ADAMTS17: variants seen among roughly 807,000 people sequenced by gnomAD.
The protein encoded by ADAMTS17 is A disintegrin and metalloproteinase with thrombospondin motifs 17.
In ADAMTS17, 113 loss-of-function variants were observed where a neutral mutation model predicts 141.5. The ratio of observed to expected loss-of-function variants is 0.80; its 90% CI spans 0.69 to 0.93. The LOEUF (loss-of-function observed/expected upper bound fraction) is 0.93. Among genes scored for constraint, ADAMTS17 ranks in the 40% least tolerant of loss-of-function variants. The pLI, the probability that ADAMTS17 is intolerant of heterozygous loss-of-function variation, is 0.00. For synonymous variants in ADAMTS17, 768 were observed against 630.6 expected (o/e 1.22, Z -3.27); for missense variants, 1,659 against 1,517.9 (o/e 1.09, Z -1.54).
intron 7 of ADAMTS17, among the ~76,000 whole-genome samples, chr15:100,206,842 G>A (rs2041588548): frequency 6.6e-6 from 1 of 152,172 alleles, no homozygotes; most frequent in Non-Finnish European, 1.5e-5. Context: ...AGCTGTCTGA[G>A]GTGTGTGCCT....
chr15:100,103,464 G>T (rs1332341537), intron 14 of ADAMTS17, among the ~76,000 whole-genome samples: 1 of 152,204 alleles, frequency 6.6e-6, no homozygotes, highest in Non-Finnish European at 1.5e-5. Flanking sequence ...CTTTGGACAG[G>T]AAATAGGAGG....
chr15:100,131,894 A>G (rs770767230), intron 12 of ADAMTS17, 113 bp downstream of exon 12: 81 of 1,530,022 alleles, frequency 5.3e-5, no homozygotes, highest in Non-Finnish European at 6.9e-5. Context: ...TTCATTTTCC[A>G]TATCTTCTAA....
At chr15:100,019,170 A>T (rs2061351276) in intron 18 of ADAMTS17, among the ~76,000 whole-genome samples, 1 of 152,244 alleles carries the variant, frequency 6.6e-6, no homozygotes, top group Non-Finnish European at 1.5e-5. Context: ...GGCAAGACAG[A>T]TGTACATACC....
At chr15:100,169,720 AACTGCATGCTCG>A (rs2040087582) in intron 8 of ADAMTS17, among the ~76,000 whole-genome samples, 1 of 152,216 alleles carries the variant, frequency 6.6e-6, no homozygotes, top group South Asian at 2.1e-4. Flanking sequence ...AGGTACTGTG[AACTGCATGCTCG>A]AAACCAGCAG....
Position 100,141,828 on chromosome 15 carries a change from C to T in ADAMTS17, c.1474-8513G>A, listed in dbSNP as rs187432017. Among the ~76,000 whole-genome samples, 37 of 152,360 alleles carry T rather than the reference C, an allele frequency of 2.4e-4. 1 individual carries two copies. In the East Asian group the frequency reaches 6.0e-3, roughly 25 times the overall value. On this transcript the variant is annotated intron_variant, in intron 10 of 21. Transcript: ENST00000268070. ...AGGACCATCTGCTGCCAAAGTCCAA[C>T]GGCTCTGAGAGGCTGCAGATGCTGG...
intron 3 of ADAMTS17, among the ~76,000 whole-genome samples, chr15:100,325,338 T>TA (rs1328070097): frequency 1.3e-5 from 2 of 152,192 alleles, no homozygotes; most frequent in Non-Finnish European, 2.9e-5. Context: ...ATAGGGTTTT[T>TA]ACAGAGGTAA....
At chr15:100,184,550 C>T (rs1269514278) in intron 8 of ADAMTS17, among the ~76,000 whole-genome samples, 1 of 152,156 alleles carries the variant, frequency 6.6e-6, no homozygotes, top group Non-Finnish European at 1.5e-5. Context: ...CACTGGGGCA[C>T]ATGGAGGGTA....
chr15:100,032,869 G>A (rs1235920528), intron 18 of ADAMTS17, among the ~76,000 whole-genome samples: 1 of 152,146 alleles, frequency 6.6e-6, no homozygotes, highest in Non-Finnish European at 1.5e-5. Flanking sequence ...CCTAACCCAC[G>A]AGACAGCCAG....
chr15:99,988,166 C>T (rs546107013), intron 20 of ADAMTS17, among the ~76,000 whole-genome samples: 2 of 152,196 alleles, frequency 1.3e-5, no homozygotes, highest in East Asian at 3.9e-4. Flanking sequence ...GTTTGTCCCA[C>T]CAAATCTCAT....
intron 12 of ADAMTS17, chr15:100,126,227 C>G (rs1339047359): frequency 6.6e-6 from 1 of 152,230 alleles, no homozygotes; most frequent in Non-Finnish European, 1.5e-5. Flanking sequence ...GGTAATCCAC[C>G]CACCCAAGGC....
chr15:100,255,617 AACACACACAC>A (rs10529356), intron 6 of ADAMTS17, among the ~76,000 whole-genome samples: 1 of 140,186 alleles, frequency 7.1e-6, no homozygotes, highest in Non-Finnish European at 1.5e-5. Context: ...TGTTTTGAGC[AACACACACAC>A]ACACACACAC....
chr15:100,109,089 G>A lies in ADAMTS17; in HGVS notation c.1916C>T (p.Pro639Leu), dbSNP rs2141097359. The A allele has an allele frequency of 6.2e-7, 1 of 1,613,636 alleles. No homozygotes were observed. Among genetic ancestry groups the A allele is most frequent in the South Asian group, 1.1e-5 (1 of 91,048 alleles). ...CAGCAGTGGGGACTCCTTCCCGAGGGGCGAGCAGTAGAGTTCACATGGCTT... is the reference window on the plus strand; with the variant it reads ...CAGCAGTGGGGACTCCTTCCCGAGGAGCGAGCAGTAGAGTTCACATGGCTT... The part of the protein sequence containing the change: ...DDKPCELYCS[P>L]LGKESPLLVA... The change falls in exon 14 of 22, where the codon CCC (proline) becomes CTC (leucine). Residue 639 changes from proline to leucine, a missense_variant. Pro to Leu is a moderately conservative substitution (Grantham distance 98, BLOSUM62 -3). Coordinates refer to ENST00000268070, the MANE Select transcript of ADAMTS17 (RefSeq NM_139057.4).
In ADAMTS17 at chr15:100,014,570, G is replaced by A. The variant is rs112983027; in HGVS notation, c.2592-16981C>T. On this transcript the variant is annotated intron_variant, in intron 18 of 21. Transcript: ENST00000268070. ...TTTGACAGGTTGTGTCATTACTGTC[G>A]TTCAGTTCTAAGAATTTTTAAATTT... 5.1e-4 allele frequency among the ~76,000 whole-genome samples: 77 copies of A among 152,096 alleles called. 1 individual carries two copies. The highest frequency in any genetic ancestry group is 1.6e-3 in the African/African-American group (65 of 41,498).
At chr15:100,315,190 C>A (rs971732115) in intron 3 of ADAMTS17, among the ~76,000 whole-genome samples, 1 of 152,198 alleles carries the variant, frequency 6.6e-6, no homozygotes, top group Non-Finnish European at 1.5e-5. Flanking sequence ...GTGGGCGGGA[C>A]CTTCGTCCTC....
At chr15:100,278,229 T>C (rs966216147) in intron 4 of ADAMTS17, among the ~76,000 whole-genome samples, 1 of 151,418 alleles carries the variant, frequency 6.6e-6, no homozygotes, top group African/African-American at 2.4e-5. Flanking sequence ...ATGGTGGTGG[T>C]GGTTGCATTA....
intron 8 of ADAMTS17, among the ~76,000 whole-genome samples, chr15:100,177,547 T>G (rs1471002478): frequency 6.6e-6 from 1 of 152,234 alleles, no homozygotes; most frequent in Non-Finnish European, 1.5e-5. Flanking sequence ...TTGTTACAGT[T>G]TGCTTTGTGC....
At position 100,261,547 on chromosome 15, in the gene ADAMTS17, G is replaced by A. The variant is rs753341903; in HGVS notation, c.963C>T (p.Leu321=). 25 of 1,614,018 alleles carry A rather than the reference G, an allele frequency of 1.5e-5. No individual in the cohort carries two copies. The highest frequency in any genetic ancestry group is 1.6e-4 in the Middle Eastern group (1 of 6,082). The change falls in exon 6 of 22, where the codon CTC becomes CTT. Residue 321 remains leucine (L), a synonymous_variant. Transcript: ENST00000268070. ...TCCCGCCGGGAACCTGGTTATTGCC[G>A]AGGTATCGCGCTCCTCCATACTCCT... ...QNEEYGGARY[L]GNNQVPGGKD...
chr15:100,252,403 C>A (rs1362903230), intron 7 of ADAMTS17, among the ~76,000 whole-genome samples: 1 of 152,198 alleles, frequency 6.6e-6, no homozygotes, highest in Non-Finnish European at 1.5e-5. Flanking sequence ...CAGAGCTGGG[C>A]TCTGTTTTGC....
chr15:100,236,282 T>TAAAA (rs1262366624), intron 7 of ADAMTS17, among the ~76,000 whole-genome samples: 294 of 40,628 alleles, frequency 7.2e-3, no homozygotes, highest in African/African-American at 0.037. Context: ...ACCCACGACA[T>TAAAA]TAAAAAAAAA....
Sources: gnomAD v4.1 joint callset for allele counts (sites outside exome capture counted in the v4.1 genomes callset) on GRCh38, gnomAD v4.1.1 for gene constraint, MANE v1.5 for transcripts, NCBI Gene and HGNC (gene_info 2026-07-23, HGNC 2026-07-21) for gene names.